The following CENPC variants were observed in gnomAD, a reference collection of about 807,000 sequenced individuals.
CENPC encodes CENP-C 1.
In CENPC, 63 loss-of-function variants were observed where a neutral mutation model predicts 112.1. The observed-to-expected ratio is 0.56, with a 90% CI of 0.46 to 0.69. CENPC has a LOEUF of 0.69. Ranked by LOEUF, CENPC falls within the 30% of genes least tolerant of loss-of-function variation. The probability of loss-of-function intolerance (pLI) is 0.00; values close to 1 mark genes in which losing one functional copy is unlikely to be tolerated. For missense variants in CENPC, 1,000 were observed against 1,103.8 expected, an observed-to-expected ratio of 0.91 and a Z score of 1.33; for synonymous variants, 333 against 367.6, an observed-to-expected ratio of 0.91 and a Z score of 1.08.
At chr4:67,496,311 C>A (rs368265280) in intron 12 of CENPC, among the ~76,000 whole-genome samples, 14 of 152,192 alleles carry the variant, frequency 9.2e-5, no homozygotes, top group African/African-American at 2.9e-4. Flanking sequence ...TATATAAATT[C>A]ATGAGTGTAC....
At chr4:67,530,742 A>G in intron 5 of CENPC, 73 bp downstream of exon 5, 1 of 656,122 alleles carries the variant, frequency 1.5e-6, no homozygotes, top group Middle Eastern at 2.6e-4. Context: ...ACTCAAAGCA[A>G]CACATGCACC....
intron 4 of CENPC, among the ~76,000 whole-genome samples, chr4:67,535,031 C>CA (rs1488378432): frequency 6.6e-6 from 1 of 151,884 alleles, no homozygotes; most frequent in Non-Finnish European, 1.5e-5. Context: ...AAAATAGTCA[C>CA]AAAGGATCAT....
intron 7 of CENPC, among the ~76,000 whole-genome samples, chr4:67,517,660 A>C (rs1200552909): frequency 1.3e-5 from 2 of 151,870 alleles, no homozygotes; most frequent in African/African-American, 4.8e-5. Flanking sequence ...CAACATGGGG[A>C]TATCCCATCT....
intron 16 of CENPC, among the ~76,000 whole-genome samples, chr4:67,491,458 TATATATATATATATATATATATAG>T (rs1330749494): frequency 6.6e-5 from 3 of 45,636 alleles, no homozygotes; most frequent in African/African-American, 2.3e-4. Context: ...TATATATATA[TATATATATATATATATATATATAG>T]AGAGAGAGAG....
At chr4:67,531,357 A>G (rs1233276803) in intron 4 of CENPC, among the ~76,000 whole-genome samples, 1 of 152,234 alleles carries the variant, frequency 6.6e-6, no homozygotes, top group African/African-American at 2.4e-5. Flanking sequence ...AAAACACTGT[A>G]GTATTGAGAT....
At chr4:67,504,275 G>C (rs1015028045) in intron 12 of CENPC, among the ~76,000 whole-genome samples, 4 of 151,762 alleles carry the variant, frequency 2.6e-5, no homozygotes, top group Non-Finnish European at 5.9e-5. Flanking sequence ...ATCAAATTAA[G>C]CCAAAACTAT....
intron 9 of CENPC, chr4:67,511,161 A>C (rs1356998208): frequency 2.4e-6 from 1 of 416,154 alleles, no homozygotes; most frequent in Non-Finnish European, 4.9e-6. Context: ...ACAGAATGAG[A>C]AACTAAACAA....
At chr4:67,498,834 AAT>A (rs1230367969) in intron 12 of CENPC, among the ~76,000 whole-genome samples, 5 of 152,204 alleles carry the variant, frequency 3.3e-5, no homozygotes, top group Non-Finnish European at 7.3e-5. Context: ...ATGAAACACA[AAT>A]AGTTTTAATG....
At chr4:67,494,529 C>A (rs1025869237) in intron 13 of CENPC, among the ~76,000 whole-genome samples, 2 of 152,142 alleles carry the variant, frequency 1.3e-5, no homozygotes, top group Non-Finnish European at 2.9e-5. Context: ...CCACAAAATA[C>A]TGACAATATC....
intron 7 of CENPC, 53 bp downstream of exon 7, chr4:67,518,103 T>C (rs1457907516): frequency 2.0e-6 from 2 of 990,786 alleles, no homozygotes; most frequent in Non-Finnish European, 2.9e-6. Context: ...TTATATATGG[T>C]TCATAGAATA....
At chr4:67,495,781 T>C (rs1187893457) in intron 12 of CENPC, among the ~76,000 whole-genome samples, 1 of 152,188 alleles carries the variant, frequency 6.6e-6, no homozygotes, top group Non-Finnish European at 1.5e-5. Context: ...TGTAACTTTC[T>C]CTTTAAAGTT....
In CENPC at chr4:67,545,483, C is replaced by G; in HGVS notation, c.-128G>C. On this transcript the variant is annotated 5_prime_UTR_variant, in exon 1 of 19. Coordinates refer to ENST00000273853, the MANE Select transcript of CENPC (RefSeq NM_001812.4). ...GCGGCCAAGCAATAACCTTAAGTCT[C>G]AGGCGACTGCCGCGAGAGCTGCGAT... The G allele has an allele frequency of 2.2e-6, 2 of 921,276 alleles. No homozygotes were observed. The highest frequency in any genetic ancestry group is 3.0e-6 in the Non-Finnish European group (2 of 674,102). The allele number at this position is 921,276 out of a possible 1,614,324, so 57.1% of individuals were successfully genotyped here. A position where few individuals can be genotyped will look rare whatever the true frequency, so the allele number is the denominator to read the frequency against.
In CENPC at chr4:67,506,526, G is replaced by A. The variant is rs143065164; in HGVS notation, c.2051+262C>T. Among the ~76,000 whole-genome samples, 286 of 152,208 alleles carry A rather than the reference G, an allele frequency of 1.9e-3. 3 individuals carry two copies. Among genetic ancestry groups the A allele is most frequent in the African/African-American group, 6.6e-3 (275 of 41,548 alleles). ...GGAACTGGGGTCTCCAGCCAACAGC[G>A]ATGTGAGACATTTTATAGGTGGATT... On this transcript the variant is annotated intron_variant, in intron 11 of 18. Transcript: ENST00000273853.
intron 15 of CENPC, 98 bp downstream of exon 15, chr4:67,492,770 GT>G (rs1212961419): frequency 3.6e-6 from 5 of 1,375,738 alleles, no homozygotes; most frequent in Non-Finnish European, 4.8e-6. Flanking sequence ...TATTTCTGAA[GT>G]TTTTGGAAGT....
intron 17 of CENPC, among the ~76,000 whole-genome samples, chr4:67,480,738 T>C (rs1724933619): frequency 6.6e-6 from 1 of 152,156 alleles, no homozygotes; most frequent in Admixed American, 6.5e-5. Flanking sequence ...TTTGCCAAAA[T>C]CCGGCATTGC....
At chr4:67,514,863 C>T (rs1457008957) in intron 7 of CENPC, among the ~76,000 whole-genome samples, 176 bp from the exon 8 acceptor site, 1 of 151,906 alleles carries the variant, frequency 6.6e-6, no homozygotes, top group African/African-American at 2.4e-5. Flanking sequence ...TGTCTGTTCA[C>T]CCTTATTTAT....
At chr4:67,500,364 GTATA>G (rs1033336975) in intron 12 of CENPC, among the ~76,000 whole-genome samples, 17 of 152,152 alleles carry the variant, frequency 1.1e-4, no homozygotes, top group South Asian at 6.2e-4. Context: ...ATGTGTGTGT[GTATA>G]TATATATCTA....
intron 17 of CENPC, among the ~76,000 whole-genome samples, chr4:67,475,420 G>A (rs10866196): frequency 0.91 from 138,401 of 152,262 alleles, 63,130 homozygotes; most frequent in South Asian, 0.95. Context: ...TTAAAACTGA[G>A]TTCTGCCAAC....
chr4:67,476,394 CT>C (rs1724805652), intron 17 of CENPC, among the ~76,000 whole-genome samples: 1 of 152,140 alleles, frequency 6.6e-6, no homozygotes, highest in Non-Finnish European at 1.5e-5. Context: ...ACTGGGGAAG[CT>C]GAAAATCCAG....
Sources: allele counts gnomAD v4.1 joint callset (sites outside exome capture counted in the v4.1 genomes callset), GRCh38; gene constraint gnomAD v4.1.1; transcripts MANE v1.5; gene names NCBI Gene and HGNC (gene_info 2026-07-23, HGNC 2026-07-21).